VPS26A: variants seen among roughly 807,000 people sequenced by gnomAD.
The protein encoded by VPS26A is vacuolar protein sorting-associated protein 26A.
In VPS26A, 22 loss-of-function variants were observed where a neutral mutation model predicts 42.4. The ratio of observed to expected loss-of-function variants is 0.52; its 90% confidence interval spans 0.37 to 0.74. VPS26A has a LOEUF of 0.74. Among genes scored for constraint, VPS26A ranks in the 30% least tolerant of loss-of-function variants. The pLI is 0.00. For missense variants in VPS26A, 276 were observed against 379.2 expected (o/e 0.73, Z 2.26); for synonymous variants, 110 against 123.5 (o/e 0.89, Z 0.73).
chr10:69,132,516 C>A (rs1174265333), intron 1 of VPS26A, among the ~76,000 whole-genome samples: 1 of 151,208 alleles, frequency 6.6e-6, no homozygotes, highest in Admixed American at 6.6e-5. Flanking sequence ...GATCTTGGCT[C>A]ACTGCAACTT....
At chr10:69,133,648 C>T (rs1840841264) in intron 2 of VPS26A, 7 of 1,258,670 alleles carry the variant, frequency 5.6e-6, no homozygotes, top group Middle Eastern at 2.2e-4. Context: ...GTAATGTATA[C>T]GGTTTTTTGT....
chr10:69,170,112 A>G (rs564662172), intron 8 of VPS26A: 1 of 152,326 alleles, frequency 6.6e-6, no homozygotes, highest in Non-Finnish European at 1.5e-5. Context: ...AAGTACTGTG[A>G]AAAATACAAA....
chr10:69,130,656 AAC>A (rs1336659589), intron 1 of VPS26A, among the ~76,000 whole-genome samples: 1 of 152,214 alleles, frequency 6.6e-6, no homozygotes, highest in East Asian at 1.9e-4. Context: ...TTATAAAAAA[AAC>A]AGCCAGAACA....
chr10:69,128,258 A>C (rs1353851222), intron 1 of VPS26A, among the ~76,000 whole-genome samples: 2 of 143,076 alleles, frequency 1.4e-5, no homozygotes, highest in Admixed American at 7.3e-5. Context: ...TTGAGGCAGA[A>C]TCTCACTCTG....
chr10:69,167,742 C>CAAAAAAAAAAAAA (rs35974356), intron 7 of VPS26A, among the ~76,000 whole-genome samples: 4 of 66,326 alleles, frequency 6.0e-5, no homozygotes, highest in Admixed American at 2.0e-4. Context: ...GACTCCATCT[C>CAAAAAAAAAAAAA]AAAAAAAAAA....
chr10:69,156,986 T>C (rs1841442892), intron 3 of VPS26A, 21 bp from the exon 4 acceptor site: 4 of 1,568,806 alleles, frequency 2.5e-6, no homozygotes, highest in African/African-American at 2.7e-5. Flanking sequence ...ATTGGTCTTT[T>C]TGCCTTTTAA....
chr10:69,165,798 A>G (rs1453773688), intron 6 of VPS26A, among the ~76,000 whole-genome samples: 1 of 151,118 alleles, frequency 6.6e-6, no homozygotes, highest in Non-Finnish European at 1.5e-5. Context: ...TGAAAATAAA[A>G]AAACAGGCAT....
Position 69,158,852 on chromosome 10 carries a change from T to A in VPS26A, c.551+641T>A, listed in dbSNP as rs985235737. 2.6e-5 allele frequency among the ~76,000 whole-genome samples: 4 copies of A among 152,180 alleles called. No individual in the cohort carries two copies. The South Asian group carries it at 8.3e-4, about 32-fold the overall frequency. On this transcript the variant is annotated intron_variant, in intron 5 of 8. Transcript: ENST00000263559. ...TTATATTGAAGCAAATTCCAGACAT[T>A]TAATTTAACCCATAAAATTATGTAT...
In VPS26A at chr10:69,167,766, GAA is replaced by G. The variant is rs1362275642; in HGVS notation, c.728-722_728-721del. ...TCAAAAAAAAAAAAAAAAAAAAAAA[GAA>G]TATGCAAAGAATTACCCTTAGGAAA... On this transcript the variant is annotated intron_variant, in intron 7 of 8. Transcript: ENST00000263559. Among the ~76,000 whole-genome samples the G allele has an allele frequency of 2.6e-3, 257 of 100,136 alleles. 1 individual carries two copies. The highest frequency in any genetic ancestry group is 4.2e-3 in the Non-Finnish European group (190 of 45,150). 65.7% of individuals were successfully genotyped at this position (100,136 alleles called of 152,430 possible). A position where few individuals can be genotyped will look rare whatever the true frequency, so the allele number is the denominator to read the frequency against.
chr10:69,167,137 A>AAAT (rs1257361051), intron 7 of VPS26A, among the ~76,000 whole-genome samples: 1 of 150,778 alleles, frequency 6.6e-6, no homozygotes, highest in Non-Finnish European at 1.5e-5. Flanking sequence ...AAAAAAAAAA[A>AAAT]AAAATTCAGG....
chr10:69,140,963 T>C (rs1841025231), intron 2 of VPS26A, among the ~76,000 whole-genome samples: 1 of 152,188 alleles, frequency 6.6e-6, no homozygotes, highest in African/African-American at 2.4e-5. Context: ...ACCTGGTTTG[T>C]CCCTACGCAT....
intron 4 of VPS26A, 138 bp from the exon 5 acceptor site, chr10:69,157,909 T>A: frequency 1.5e-6 from 1 of 656,792 alleles, no homozygotes; most frequent in Non-Finnish European, 2.4e-6. Context: ...AACTCCTTCG[T>A]GAAGTAATGA....
chr10:69,148,051 T>G (rs373207376), intron 2 of VPS26A, among the ~76,000 whole-genome samples: 2 of 152,272 alleles, frequency 1.3e-5, no homozygotes, highest in East Asian at 3.9e-4. Flanking sequence ...GTCAAACTCT[T>G]TAGGTATTGC....
chr10:69,163,766 C>CTT lies in VPS26A; in HGVS notation c.658+1270_658+1271dup, dbSNP rs869154106. On this transcript the variant is annotated intron_variant, in intron 6 of 8. Coordinates refer to ENST00000263559, the MANE Select transcript of VPS26A (RefSeq NM_004896.5). ...CATTATAGTTTTAATTTTCAGTTTT[C>CTT]TTTTTTTTTTTTTTTTTGAGACGGA... Among the ~76,000 whole-genome samples the CTT allele has an allele frequency of 5.5e-4, 73 of 133,590 alleles. 1 individual carries two copies. Among genetic ancestry groups the CTT allele is most frequent in the African/African-American group, 1.1e-3 (40 of 36,010 alleles). The allele number at this position is 133,590 out of a possible 152,430, so 87.6% of individuals were successfully genotyped here.
chr10:69,171,354 AG>A lies in VPS26A; in HGVS notation c.*90del. 1 of 1,292,076 alleles carries A rather than the reference AG, an allele frequency of 7.7e-7. No individual in the cohort carries two copies. The highest frequency in any genetic ancestry group is 1.1e-6 in the Non-Finnish European group (1 of 920,890). The allele number at this position is 1,292,076 out of a possible 1,614,324, so 80.0% of individuals were successfully genotyped here. A position where few individuals can be genotyped will look rare whatever the true frequency, so the allele number is the denominator to read the frequency against. On this transcript the variant is annotated 3_prime_UTR_variant, in exon 9 of 9. Coordinates refer to ENST00000263559, the MANE Select transcript of VPS26A (RefSeq NM_004896.5). Reference sequence around the variant, plus strand: ...GCAGGTTAAAGATGGTTGCAGCTGGAGGGGGCGGAAAAAGGCCAAAACTCCA... The same window carrying A: ...GCAGGTTAAAGATGGTTGCAGCTGGAGGGGCGGAAAAAGGCCAAAACTCCA...
At chr10:69,132,465 G>C (rs1840805137) in intron 1 of VPS26A, among the ~76,000 whole-genome samples, 2 of 146,084 alleles carry the variant, frequency 1.4e-5, no homozygotes, top group African/African-American at 5.0e-5. Flanking sequence ...TTTTTGAGAC[G>C]GAGTTTTGCT....
At chr10:69,149,207 A>G (rs775881271) in intron 2 of VPS26A, among the ~76,000 whole-genome samples, 4 of 152,224 alleles carry the variant, frequency 2.6e-5, no homozygotes, top group Non-Finnish European at 5.9e-5. Context: ...CAAGTGACCA[A>G]AATTAACATC....
chr10:69,128,541 T>C (rs142379276), intron 1 of VPS26A, among the ~76,000 whole-genome samples: 1 of 152,272 alleles, frequency 6.6e-6, no homozygotes, highest in African/African-American at 2.4e-5. Flanking sequence ...TTTGATCTTT[T>C]AATGTCAGCT....
intron 5 of VPS26A, among the ~76,000 whole-genome samples, chr10:69,160,653 T>C (rs1841539630): frequency 6.6e-6 from 1 of 152,122 alleles, no homozygotes; most frequent in Non-Finnish European, 1.5e-5. Context: ...GGTTTCACCA[T>C]GTTGGCTAGG....
Sources: allele counts gnomAD v4.1 joint callset (sites outside exome capture counted in the v4.1 genomes callset), GRCh38; gene constraint gnomAD v4.1.1; transcripts MANE v1.5; gene names NCBI Gene and HGNC (gene_info 2026-07-23, HGNC 2026-07-21).